Variants in CDH4 observed in about 807,000 individuals in gnomAD.
CDH4 encodes cadherin-4.
A neutral mutation model predicts 86.0 loss-of-function variants in CDH4; 33 were observed. The ratio of observed to expected loss-of-function variants is 0.38; its 90% confidence interval spans 0.29 to 0.51. The LOEUF is 0.51. Ranked by LOEUF, CDH4 falls within the 20% of genes least tolerant of loss-of-function variation. CDH4 has a pLI of 0.86. For missense variants in CDH4, 1,114 were observed against 1,307.4 expected (o/e 0.85, Z 2.28); for synonymous variants, 555 against 549.4 (o/e 1.01, Z -0.14).
At chr20:61,901,438 G>A (rs933779543) in intron 8 of CDH4, among the ~76,000 whole-genome samples, 3 of 152,264 alleles carry the variant, frequency 2.0e-5, no homozygotes, top group African/African-American at 7.2e-5. Context: ...TCCAATGCAA[G>A]CAATCACAGA....
In CDH4 at chr20:61,663,674, G is replaced by A. The variant is rs958189688; in HGVS notation, c.170-79889G>A. ...AGCGGGGACTCGAGGAGAGCAGGGA[G>A]TGCTGTCTTCCCGGCGGGAGCTGGC... is the stretch of plus-strand genomic sequence containing the variant. On this transcript the variant is annotated intron_variant, in intron 2 of 15. Transcript: ENST00000614565. This position sits in a 1 kb window ranked among gnomAD's most constrained non-coding sequence, Gnocchi z 5.0. 1.3e-5 allele frequency among the ~76,000 whole-genome samples: 2 copies of A among 152,114 alleles called. No homozygotes were observed. The highest frequency in any genetic ancestry group is 2.9e-5 in the Non-Finnish European group (2 of 68,024).
chr20:61,808,420 C>T lies in CDH4; in HGVS notation c.576+35238C>T, dbSNP rs532214723. ...TGCAAAGACACATTTATAATCACTCCGCCCTGCAGTCGGTGGGGAAAGCCT... is the reference window on the plus strand; with the variant it reads ...TGCAAAGACACATTTATAATCACTCTGCCCTGCAGTCGGTGGGGAAAGCCT... On this transcript the variant is annotated intron_variant, in intron 4 of 15. Transcript: ENST00000614565. Among the ~76,000 whole-genome samples the T allele has an allele frequency of 1.9e-4, 29 of 152,218 alleles. No homozygotes were observed. In the East Asian group the frequency reaches 5.6e-3, roughly 29 times the overall value.
At chr20:61,772,407 T>G (rs1422425161) in intron 3 of CDH4, among the ~76,000 whole-genome samples, 1 of 152,260 alleles carries the variant, frequency 6.6e-6, no homozygotes. Flanking sequence ...ATTATTTGAT[T>G]ACTGGGAGAT....
At chr20:61,643,668 A>G (rs2087033712) in intron 2 of CDH4, among the ~76,000 whole-genome samples, 1 of 152,214 alleles carries the variant, frequency 6.6e-6, no homozygotes, top group Admixed American at 6.5e-5. Context: ...CCAGCTCAGA[A>G]ACTGTTTTCT....
intron 2 of CDH4, among the ~76,000 whole-genome samples, chr20:61,346,285 G>A (rs1600887028): frequency 6.6e-6 from 1 of 152,116 alleles, no homozygotes. Context: ...GGCCCCAGGG[G>A]CCATGAGTAG....
At chr20:61,827,882 C>G (rs1339326609) in intron 4 of CDH4, among the ~76,000 whole-genome samples, 2 of 152,120 alleles carry the variant, frequency 1.3e-5, no homozygotes, top group East Asian at 1.9e-4. Flanking sequence ...GCAATTGCAA[C>G]AGATGGAAAT....
chr20:61,477,549 C>T (rs941095134), intron 2 of CDH4, among the ~76,000 whole-genome samples: 1 of 152,214 alleles, frequency 6.6e-6, no homozygotes, highest in South Asian at 2.1e-4. Flanking sequence ...TTCTGCGGAG[C>T]GTGGAAGAAG....
intron 2 of CDH4, among the ~76,000 whole-genome samples, chr20:61,265,355 C>T (rs898806960): frequency 2.0e-5 from 3 of 146,746 alleles, no homozygotes; most frequent in African/African-American, 5.4e-5. Flanking sequence ...ATCTCAGTGG[C>T]TCCTTCATTC....
intron 4 of CDH4, among the ~76,000 whole-genome samples, chr20:61,824,381 T>G (rs928245656): frequency 6.7e-6 from 1 of 149,280 alleles, no homozygotes; most frequent in Non-Finnish European, 1.5e-5. Context: ...AAAAGATGCC[T>G]CCCCCCAACC....
At position 61,314,102 on chromosome 20, in the gene CDH4, C is replaced by T. The variant is rs181488471; in HGVS notation, c.169+59165C>T. 3.0e-4 allele frequency among the ~76,000 whole-genome samples: 46 copies of T among 152,318 alleles called. 1 individual carries two copies. In the Middle Eastern group the frequency reaches 0.01, roughly 34 times the overall value. On this transcript the variant is annotated intron_variant, in intron 2 of 15. Transcript: ENST00000614565. Reference sequence around the variant, plus strand: ...GTCAGTTCACATCTCCATCACTTCACCTTGTTACCTTTTGTGGTGAGAGGT... The same window carrying T: ...GTCAGTTCACATCTCCATCACTTCATCTTGTTACCTTTTGTGGTGAGAGGT...
chr20:61,688,858 C>A (rs1038760469), intron 2 of CDH4, among the ~76,000 whole-genome samples: 2 of 152,204 alleles, frequency 1.3e-5, no homozygotes, highest in Admixed American at 1.3e-4. Flanking sequence ...GCAGGGGAAA[C>A]GTCCCTGTCA....
intron 2 of CDH4, among the ~76,000 whole-genome samples, chr20:61,642,761 G>T (rs1461369933): frequency 6.6e-6 from 1 of 152,178 alleles, no homozygotes; most frequent in African/African-American, 2.4e-5. Flanking sequence ...CTCCAGGGGA[G>T]AAACCACTTC....
At chr20:61,523,782 TAGTG>T (rs1198440256) in intron 2 of CDH4, among the ~76,000 whole-genome samples, 1 of 152,216 alleles carries the variant, frequency 6.6e-6, no homozygotes, top group Non-Finnish European at 1.5e-5. Context: ...ATTCAGTAAA[TAGTG>T]AGCTCCTTTC....
At chr20:61,769,140 G>A (rs1193350902) in intron 3 of CDH4, among the ~76,000 whole-genome samples, 1 of 152,188 alleles carries the variant, frequency 6.6e-6, no homozygotes, top group Non-Finnish European at 1.5e-5. Flanking sequence ...GCCTGCCCTC[G>A]TGCAGGCACA....
chr20:61,825,840 A>G (rs1305645512), intron 4 of CDH4, among the ~76,000 whole-genome samples: 1 of 152,196 alleles, frequency 6.6e-6, no homozygotes, highest in Middle Eastern at 3.2e-3. Context: ...GGCTTCCCCA[A>G]AGTTAATGGC....
At chr20:61,934,262 C>T (rs756464719) in intron 15 of CDH4, 42 bp downstream of exon 15, 1 of 1,495,884 alleles carries the variant, frequency 6.7e-7, no homozygotes, top group East Asian at 2.5e-5. Context: ...CAAGGTGTCT[C>T]CTCTAAAAAT....
chr20:61,653,663 TCAGACAG>T (rs2087152613), intron 2 of CDH4, among the ~76,000 whole-genome samples: 1 of 68,282 alleles, frequency 1.5e-5, no homozygotes, highest in African/African-American at 4.5e-5. Context: ...TCCTCACTTC[TCAGACAG>T]GGCGGCCGGG....
chr20:61,477,036 G>C (rs931018317), intron 2 of CDH4, among the ~76,000 whole-genome samples: 4 of 152,244 alleles, frequency 2.6e-5, no homozygotes, highest in Non-Finnish European at 5.9e-5. Flanking sequence ...TCAAGGGAAA[G>C]AGCCAGGGGC....
At chr20:61,726,651 C>T (rs149768750) in intron 2 of CDH4, among the ~76,000 whole-genome samples, 4 of 151,782 alleles carry the variant, frequency 2.6e-5, no homozygotes, top group Non-Finnish European at 5.9e-5. Context: ...CCATCACCAC[C>T]ATCATGACCA....
Sources: gnomAD v4.1 joint callset for allele counts (sites outside exome capture counted in the v4.1 genomes callset) on GRCh38, gnomAD v4.1.1 for gene constraint, Gnocchi (gnomAD v3.1) non-coding constraint, MANE v1.5 for transcripts, NCBI Gene and HGNC (gene_info 2026-07-23, HGNC 2026-07-21) for gene names.